Variants in AUTS2 observed in about 807,000 individuals in gnomAD.
The protein encoded by AUTS2 is activator of transcription and developmental regulator AUTS2.
A neutral mutation model predicts 112.4 loss-of-function variants in AUTS2; 17 were observed. That is an observed-to-expected ratio of 0.15 (90% CI 0.10 to 0.23). The LOEUF (loss-of-function observed/expected upper bound fraction) is 0.23, where lower values mean the gene tolerates loss of function less well. AUTS2 is among the 10% of genes least tolerant of loss of function. AUTS2 has a pLI of 1.00. For missense variants in AUTS2, 1,510 were observed against 1,701.6 expected (o/e 0.89, Z 1.98); for synonymous variants, 751 against 702.7 (o/e 1.07, Z -1.09).
chr7:69,954,536 T>C (rs1460059701), intron 2 of AUTS2, among the ~76,000 whole-genome samples: 2 of 152,222 alleles, frequency 1.3e-5, no homozygotes, highest in Non-Finnish European at 2.9e-5. Context: ...CTCGAACTCC[T>C]GGGCTTAAGT....
intron 2 of AUTS2, among the ~76,000 whole-genome samples, chr7:70,117,609 G>A (rs927477015): frequency 6.6e-6 from 1 of 152,026 alleles, no homozygotes; most frequent in Non-Finnish European, 1.5e-5. Flanking sequence ...TTTAAGGCTT[G>A]CCCACTCTGT....
intron 5 of AUTS2, among the ~76,000 whole-genome samples, chr7:70,451,826 T>C (rs930137632): frequency 6.6e-6 from 1 of 152,118 alleles, no homozygotes; most frequent in African/African-American, 2.4e-5. Context: ...AAACAGTAAC[T>C]CACTTATAGC....
At chr7:69,769,958 A>C (rs1788591501) in intron 1 of AUTS2, among the ~76,000 whole-genome samples, 1 of 152,190 alleles carries the variant, frequency 6.6e-6, no homozygotes, top group African/African-American at 2.4e-5. Flanking sequence ...TTTCATTGTT[A>C]TAAGAAAACT....
intron 4 of AUTS2, among the ~76,000 whole-genome samples, chr7:70,225,770 AT>A (rs1167024567): frequency 1.3e-5 from 2 of 152,100 alleles, no homozygotes; most frequent in African/African-American, 4.8e-5. Context: ...TGTATTAGGA[AT>A]TTTTTCTGCT....
intron 4 of AUTS2, among the ~76,000 whole-genome samples, chr7:70,300,951 G>A (rs1008760974): frequency 1.3e-5 from 2 of 152,120 alleles, no homozygotes; most frequent in African/African-American, 4.8e-5. Flanking sequence ...ACCTTTTCAA[G>A]CTCTTAAGAG....
At chr7:70,169,940 T>A (rs1808581988) in intron 4 of AUTS2, among the ~76,000 whole-genome samples, 1 of 152,140 alleles carries the variant, frequency 6.6e-6, no homozygotes, top group Non-Finnish European at 1.5e-5. Context: ...GCTGCTTAAT[T>A]TTGTAACATT....
At chr7:69,742,436 T>G (rs1787309106) in intron 1 of AUTS2, among the ~76,000 whole-genome samples, 1 of 152,174 alleles carries the variant, frequency 6.6e-6, no homozygotes, top group Admixed American at 6.5e-5. Context: ...AGCACTATGC[T>G]TGGCATGTTT....
intron 5 of AUTS2, among the ~76,000 whole-genome samples, chr7:70,579,626 C>A (rs1802344893): frequency 6.6e-6 from 1 of 152,118 alleles, no homozygotes; most frequent in African/African-American, 2.4e-5. Context: ...AGAGCAGGTG[C>A]AATTAATAAA....
At chr7:70,188,992 A>G (rs760933717) in intron 4 of AUTS2, among the ~76,000 whole-genome samples, 18 of 152,086 alleles carry the variant, frequency 1.2e-4, no homozygotes, top group Non-Finnish European at 1.9e-4. Context: ...AAGCCAGAGT[A>G]TTCTAGCAAA....
At chr7:70,445,040 C>T (rs1416326498) in intron 5 of AUTS2, among the ~76,000 whole-genome samples, 1 of 152,122 alleles carries the variant, frequency 6.6e-6, no homozygotes, top group Non-Finnish European at 1.5e-5. Context: ...TGAAAGAGAA[C>T]ATTGCATTAT....
At chr7:70,340,081 T>C (rs1254616340) in intron 4 of AUTS2, among the ~76,000 whole-genome samples, 1 of 151,728 alleles carries the variant, frequency 6.6e-6, no homozygotes. Context: ...TCTGTAAAAA[T>C]GGGGATAATA....
chr7:70,286,585 A>C (rs1788469976), intron 4 of AUTS2, among the ~76,000 whole-genome samples: 2 of 152,244 alleles, frequency 1.3e-5, no homozygotes, highest in South Asian at 4.1e-4. Context: ...AGCTAAAAGG[A>C]AATCTAATGA....
chr7:70,777,037 G>T, intron 13 of AUTS2, 66 bp from the exon 14 acceptor site: 1 of 1,507,756 alleles, frequency 6.6e-7, no homozygotes, highest in South Asian at 1.1e-5. Context: ...GAAAGCTTTG[G>T]GGAAATTGAA....
intron 1 of AUTS2, among the ~76,000 whole-genome samples, chr7:69,814,750 T>C (rs1790686457): frequency 6.6e-6 from 1 of 152,220 alleles, no homozygotes; most frequent in Non-Finnish European, 1.5e-5. Context: ...CCCAGCGGTA[T>C]GGGCGAATGG....
chr7:70,313,546 T>A (rs1316834964), intron 4 of AUTS2, among the ~76,000 whole-genome samples: 1 of 152,230 alleles, frequency 6.6e-6, no homozygotes, highest in East Asian at 1.9e-4. Context: ...TTATTTCACC[T>A]GGAGGGGATG....
intron 1 of AUTS2, among the ~76,000 whole-genome samples, chr7:69,768,133 C>A (rs894968920): frequency 2.0e-5 from 3 of 152,116 alleles, no homozygotes; most frequent in Non-Finnish European, 4.4e-5. Flanking sequence ...TTTTATCAGA[C>A]AAGTCTCTGA....
At chr7:70,586,553 A>G (rs1802698663) in intron 5 of AUTS2, among the ~76,000 whole-genome samples, 1 of 152,218 alleles carries the variant, frequency 6.6e-6, no homozygotes, top group African/African-American at 2.4e-5. Context: ...GATTGGGAGC[A>G]TGACTGAAGC....
rs1792289184 is a variant in AUTS2, at chr7:69,599,988, G to T, written c.309+26G>T. 6.2e-7 allele frequency: 1 copy of T among 1,611,910 alleles called. No homozygotes were observed. Among genetic ancestry groups the T allele is most frequent in the East Asian group, 2.2e-5 (1 of 44,786 alleles). ...GTAAGGGGGACCCCCCTTCCCCCGG[G>T]TTCCCTTTATGCACGACCCCACTCG... On this transcript the variant is annotated intron_variant, in intron 1 of 18. Transcript: ENST00000342771. The surrounding 1 kb of genome is among the most constrained non-coding windows in gnomAD (Gnocchi z 7.0).
intron 2 of AUTS2, among the ~76,000 whole-genome samples, chr7:69,937,954 C>G (rs1264944317): frequency 1.3e-5 from 2 of 152,170 alleles, no homozygotes; most frequent in African/African-American, 4.8e-5. Context: ...CTGTAATGTG[C>G]TAGGAGACAG....
Sources: gnomAD v4.1 joint callset for allele counts (sites outside exome capture counted in the v4.1 genomes callset) on GRCh38, gnomAD v4.1.1 for gene constraint, Gnocchi (gnomAD v3.1) non-coding constraint, MANE v1.5 for transcripts, NCBI Gene and HGNC (gene_info 2026-07-23, HGNC 2026-07-21) for gene names.